Variants in GLIS3 observed in about 807,000 individuals in gnomAD.
GLIS3 encodes GLIS family zinc finger 3.
Under a neutral mutation model 78.6 loss-of-function variants are expected in GLIS3, and 53 were observed. The observed-to-expected ratio is 0.67, with a 90% CI of 0.54 to 0.85. The LOEUF (loss-of-function observed/expected upper bound fraction) is 0.85. Among genes scored for constraint, GLIS3 ranks in the 40% least tolerant of loss-of-function variants. GLIS3 has a pLI of 0.00. For synonymous variants in GLIS3, 684 were observed against 509.9 expected, an observed-to-expected ratio of 1.34 and a Z score of -4.60; for missense variants, 1,703 against 1,231.1, an observed-to-expected ratio of 1.38 and a Z score of -5.74.
chr9:3,880,217 A>G (rs556766274), intron 7 of GLIS3, among the ~76,000 whole-genome samples: 2 of 152,338 alleles, frequency 1.3e-5, no homozygotes, highest in South Asian at 2.1e-4. Flanking sequence ...CTCTCAAACT[A>G]CGAAAACACA....
chr9:4,404,725 T>G, the GLIS3 span, among the ~76,000 whole-genome samples: 1 of 152,072 alleles, frequency 6.6e-6, no homozygotes, highest in Non-Finnish European at 1.5e-5. Context: ...AGAGCAGTAC[T>G]GAGATAAATT....
At chr9:4,080,709 T>C (rs184893696) in intron 4 of GLIS3, among the ~76,000 whole-genome samples, 5 of 152,312 alleles carry the variant, frequency 3.3e-5, no homozygotes, top group African/African-American at 1.2e-4. Context: ...TATTTTGTAG[T>C]TGGCTGAAAA....
At chr9:3,913,789 G>C (rs1287352182) in intron 6 of GLIS3, among the ~76,000 whole-genome samples, 3 of 152,142 alleles carry the variant, frequency 2.0e-5, no homozygotes, top group African/African-American at 7.2e-5. Flanking sequence ...CAATATGTGT[G>C]CACATCATAA....
chr9:4,147,618 T>G (rs1344749608), intron 2 of GLIS3: 1 of 151,928 alleles, frequency 6.6e-6, no homozygotes, highest in Non-Finnish European at 1.5e-5. Flanking sequence ...AAGGCTGGAG[T>G]GCAGAGAGGA....
chr9:4,224,745 T>C lies in GLIS3; in HGVS notation c.388+61293A>G, dbSNP rs1334305771. Among the ~76,000 whole-genome samples, 10 of 151,876 alleles carry C rather than the reference T, an allele frequency of 6.6e-5. No homozygotes were observed. The East Asian group carries it at 1.9e-3, about 29-fold the overall frequency. On this transcript the variant is annotated intron_variant, in intron 2 of 10. Coordinates refer to ENST00000381971, the MANE Select transcript of GLIS3 (RefSeq NM_001042413.2). ...TGTTTTTTTTTTTTTATTTCTATCTTTGAAAGCTGCTTTTAACTGTTTTTG... is the reference window on the plus strand; with the variant it reads ...TGTTTTTTTTTTTTTATTTCTATCTCTGAAAGCTGCTTTTAACTGTTTTTG...
intron 4 of GLIS3, among the ~76,000 whole-genome samples, chr9:4,033,435 G>A (rs1824018157): frequency 6.6e-6 from 1 of 152,114 alleles, no homozygotes; most frequent in African/African-American, 2.4e-5. Flanking sequence ...AATATCCACA[G>A]CAAGGTCTAG....
At chr9:3,892,672 G>GC (rs1563819741) in intron 7 of GLIS3, among the ~76,000 whole-genome samples, 1 of 149,852 alleles carries the variant, frequency 6.7e-6, no homozygotes, top group African/African-American at 2.4e-5. Context: ...AATAGGAACA[G>GC]TTTTTTTTTT....
chr9:4,114,498 G>A (rs1476259012), intron 4 of GLIS3, among the ~76,000 whole-genome samples: 2 of 152,122 alleles, frequency 1.3e-5, no homozygotes, highest in Non-Finnish European at 2.9e-5. Flanking sequence ...GAATTCAACA[G>A]TTATAGCTGA....
intron 2 of GLIS3, among the ~76,000 whole-genome samples, chr9:4,151,532 A>T (rs1834680136): frequency 2.0e-5 from 3 of 152,188 alleles, no homozygotes; most frequent in African/African-American, 7.2e-5. Flanking sequence ...TAATTTTTTT[A>T]AAGATTCTCT....
At chr9:4,438,313 G>GA in the GLIS3 span, among the ~76,000 whole-genome samples, 5 of 152,080 alleles carry the variant, frequency 3.3e-5, no homozygotes, top group East Asian at 9.6e-4. Context: ...AATATCTAAA[G>GA]AAAAAATCGC....
chr9:3,928,604 A>T (rs1825407426), intron 6 of GLIS3, among the ~76,000 whole-genome samples: 1 of 152,234 alleles, frequency 6.6e-6, no homozygotes, highest in African/African-American at 2.4e-5. Context: ...AAAAGTTACC[A>T]GTTCTCTATG....
rs546662066 is a variant in GLIS3, at chr9:4,039,360, A to G, written c.1710+78408T>C. Among the ~76,000 whole-genome samples the G allele has an allele frequency of 7.9e-5, 12 of 152,338 alleles. No homozygotes were observed. In the East Asian group the frequency reaches 2.3e-3, roughly 29 times the overall value. On this transcript the variant is annotated intron_variant, in intron 4 of 10. Coordinates refer to ENST00000381971, the MANE Select transcript of GLIS3 (RefSeq NM_001042413.2). ...TAGCCACTGAATAGCAAAATAGAGA[A>G]GCCACCAAACATTTTCTACAGGTAT...
rs147912372 is a variant in GLIS3 at position 3,949,227 on chromosome 9, C to T, written c.1711-12038G>A. On this transcript the variant is annotated intron_variant, in intron 4 of 10. Transcript: ENST00000381971. Reference sequence around the variant, plus strand: ...TATTAATAATTTAAATTCACAAAGACTGACTATCCTAAATTATACTAATCA... The same window carrying T: ...TATTAATAATTTAAATTCACAAAGATTGACTATCCTAAATTATACTAATCA... Among the ~76,000 whole-genome samples the T allele has an allele frequency of 4.1e-4, 62 of 152,302 alleles. 1 individual carries two copies. The East Asian group carries it at 0.012, about 28-fold the overall frequency.
At chr9:4,073,080 G>A (rs947773692) in intron 4 of GLIS3, among the ~76,000 whole-genome samples, 6 of 151,772 alleles carry the variant, frequency 4.0e-5, no homozygotes, top group African/African-American at 1.5e-4. Context: ...AAAAATGGCT[G>A]CCAATCTCAA....
Position 3,968,874 on chromosome 9 carries a change from G to T in GLIS3, c.1711-31685C>A, listed in dbSNP as rs1268921826. Among the ~76,000 whole-genome samples, 3 of 152,332 alleles carry T rather than the reference G, an allele frequency of 2.0e-5. No homozygotes were observed. The East Asian group carries it at 5.8e-4, about 29-fold the overall frequency. Reference sequence around the variant, plus strand: ...TTAGGGAGTTACTTCATCCACTGGGGTTTAGACTGGACTGTCTGGGTAAAG... The same window carrying T: ...TTAGGGAGTTACTTCATCCACTGGGTTTTAGACTGGACTGTCTGGGTAAAG... On this transcript the variant is annotated intron_variant, in intron 4 of 10. Coordinates refer to ENST00000381971, the MANE Select transcript of GLIS3 (RefSeq NM_001042413.2).
At chr9:4,314,154 G>C (rs1817404864) in intron 2 of GLIS3, among the ~76,000 whole-genome samples, 1 of 152,184 alleles carries the variant, frequency 6.6e-6, no homozygotes, top group African/African-American at 2.4e-5. Flanking sequence ...TTATCTCATA[G>C]GATGGTCATG....
chr9:4,298,320 A>C, intron 1 of GLIS3: 1 of 455,476 alleles, frequency 2.2e-6, no homozygotes, highest in Non-Finnish European at 4.4e-6. Context: ...AAACACCTCC[A>C]GCAAGTCGGA....
intron 4 of GLIS3, among the ~76,000 whole-genome samples, chr9:3,992,058 A>C (rs1820356274): frequency 6.6e-6 from 1 of 152,146 alleles, no homozygotes; most frequent in Non-Finnish European, 1.5e-5. Context: ...CTGAAGTCAG[A>C]TTTTATAATA....
chr9:4,203,129 C>CA (rs1412083354), intron 2 of GLIS3, among the ~76,000 whole-genome samples: 1 of 152,118 alleles, frequency 6.6e-6, no homozygotes, highest in African/African-American at 2.4e-5. Context: ...ATTGAACAAG[C>CA]AAAAAACAAT....
Sources: gnomAD v4.1 joint callset for allele counts (sites outside exome capture counted in the v4.1 genomes callset) on GRCh38, gnomAD v4.1.1 for gene constraint, MANE v1.5 for transcripts, NCBI Gene and HGNC (gene_info 2026-07-23, HGNC 2026-07-21) for gene names.